The following SLC35F3 variants were observed in gnomAD, a reference collection of about 807,000 sequenced individuals.
The protein encoded by SLC35F3 is solute carrier family 35 member F3.
Under a neutral mutation model 49.9 loss-of-function variants are expected in SLC35F3, and 25 were observed. The observed-to-expected ratio is 0.50, with a 90% CI of 0.37 to 0.70. The LOEUF (loss-of-function observed/expected upper bound fraction) is 0.70, where lower values mean the gene tolerates loss of function less well. SLC35F3 is among the 30% of genes least tolerant of loss of function. SLC35F3 has a pLI of 0.00. For synonymous variants in SLC35F3, 275 were observed against 265.4 expected (o/e 1.04, Z -0.35); for missense variants, 525 against 639.8 (o/e 0.82, Z 1.94).
At chr1:234,122,999 G>A (rs572743623) in intron 2 of SLC35F3, among the ~76,000 whole-genome samples, 1 of 152,270 alleles carries the variant, frequency 6.6e-6, no homozygotes, top group Admixed American at 6.5e-5. Context: ...TGGGATCGCT[G>A]GGTCAAATGG....
intron 2 of SLC35F3, among the ~76,000 whole-genome samples, chr1:233,930,472 C>T (rs887662145): frequency 4.9e-4 from 75 of 152,258 alleles, no homozygotes; most frequent in Non-Finnish European, 2.4e-4. Flanking sequence ...TTTATTCATA[C>T]GACCCTTATA....
intron 2 of SLC35F3, among the ~76,000 whole-genome samples, chr1:234,089,875 T>C (rs984240484): frequency 2.0e-5 from 3 of 152,166 alleles, no homozygotes; most frequent in Admixed American, 1.3e-4. Context: ...ACTGATGTAC[T>C]AGATAAGATA....
intron 3 of SLC35F3, among the ~76,000 whole-genome samples, chr1:234,292,445 A>G (rs953501842): frequency 6.6e-6 from 1 of 152,228 alleles, no homozygotes; most frequent in African/African-American, 2.4e-5. Context: ...CCAATGTCTG[A>G]TTTTTAAATT....
intron 2 of SLC35F3, among the ~76,000 whole-genome samples, chr1:234,034,966 A>C (rs996674336): frequency 1.3e-5 from 2 of 152,164 alleles, no homozygotes; most frequent in African/African-American, 4.8e-5. Flanking sequence ...TTTTTTTTAA[A>C]CTTTACTCAA....
At chr1:234,224,463 A>G (rs1201730128) in intron 2 of SLC35F3, among the ~76,000 whole-genome samples, 1 of 152,112 alleles carries the variant, frequency 6.6e-6, no homozygotes, top group African/African-American at 2.4e-5. Flanking sequence ...GAACACAATC[A>G]CTCAGTCCAT....
chr1:234,108,573 TTA>T (rs527983735), intron 2 of SLC35F3, among the ~76,000 whole-genome samples: 12,905 of 93,276 alleles, frequency 0.14, 2,330 homozygotes, highest in East Asian at 0.83. Flanking sequence ...TATATATTAT[TTA>T]TATATATAAA....
chr1:233,906,424 T>G lies in SLC35F3; in HGVS notation c.283+666T>G, dbSNP rs200814238. On this transcript the variant is annotated intron_variant, in intron 2 of 7. Coordinates refer to ENST00000366618, the MANE Select transcript of SLC35F3 (RefSeq NM_173508.4). Reference sequence around the variant, plus strand: ...TGGCTTTGAGGATGCTGTGATCAATTAGACAGACATTATCTTATGTCACCA... The same window carrying G: ...TGGCTTTGAGGATGCTGTGATCAATGAGACAGACATTATCTTATGTCACCA... Among the ~76,000 whole-genome samples the G allele has an allele frequency of 7.2e-5, 11 of 152,322 alleles. No individual in the cohort carries two copies. The East Asian group carries it at 2.1e-3, about 29-fold the overall frequency.
At chr1:233,933,021 T>C (rs951522381) in intron 2 of SLC35F3, among the ~76,000 whole-genome samples, 71 of 133,790 alleles carry the variant, frequency 5.3e-4, no homozygotes, top group African/African-American at 1.9e-3. Flanking sequence ...AACCACAGTT[T>C]TGGGCTATTT....
At chr1:234,079,776 G>A (rs933055634) in intron 2 of SLC35F3, among the ~76,000 whole-genome samples, 1 of 152,116 alleles carries the variant, frequency 6.6e-6, no homozygotes, top group Non-Finnish European at 1.5e-5. Context: ...ATATTAACGA[G>A]GATATAGAGA....
intron 2 of SLC35F3, among the ~76,000 whole-genome samples, chr1:233,934,517 GA>G (rs1266225377): frequency 6.6e-6 from 1 of 151,994 alleles, no homozygotes; most frequent in Non-Finnish European, 1.5e-5. Flanking sequence ...CATTAGACAA[GA>G]AAAAAATCAA....
At chr1:233,995,725 T>C (rs1485193873) in intron 2 of SLC35F3, among the ~76,000 whole-genome samples, 1 of 152,282 alleles carries the variant, frequency 6.6e-6, no homozygotes, top group East Asian at 1.9e-4. Context: ...TCTCATGGCA[T>C]GCATCTGGGC....
intron 2 of SLC35F3, among the ~76,000 whole-genome samples, chr1:234,203,198 ATATACT>A (rs1281109976): frequency 3.3e-5 from 5 of 152,366 alleles, no homozygotes; most frequent in East Asian, 1.9e-4. Context: ...GCTTTAATAA[ATATACT>A]TATAAAAAGA....
chr1:234,069,759 C>G (rs1027152227), intron 2 of SLC35F3, among the ~76,000 whole-genome samples: 5 of 152,184 alleles, frequency 3.3e-5, no homozygotes, highest in African/African-American at 1.2e-4. Context: ...TTAACACAGT[C>G]TTGCATTTGC....
intron 2 of SLC35F3, among the ~76,000 whole-genome samples, chr1:234,058,673 G>A (rs1572035783): frequency 6.6e-6 from 1 of 152,090 alleles, no homozygotes; most frequent in East Asian, 1.9e-4. Flanking sequence ...TTATTTTATC[G>A]AGAATTTTTG....
chr1:234,251,851 AT>A (rs1216738117), intron 3 of SLC35F3, among the ~76,000 whole-genome samples: 2 of 152,182 alleles, frequency 1.3e-5, no homozygotes, highest in East Asian at 3.8e-4. Context: ...GGAAAGATAC[AT>A]TACTTAGTAA....
At chr1:234,283,803 C>T (rs1417665550) in intron 3 of SLC35F3, among the ~76,000 whole-genome samples, 1 of 152,152 alleles carries the variant, frequency 6.6e-6, no homozygotes, top group Non-Finnish European at 1.5e-5. Context: ...GAATGATCAG[C>T]CTTGGTACCT....
At chr1:234,149,874 G>C (rs1666047893) in intron 2 of SLC35F3, among the ~76,000 whole-genome samples, 2 of 152,146 alleles carry the variant, frequency 1.3e-5, no homozygotes, top group African/African-American at 4.8e-5. Flanking sequence ...TAACTGCCCA[G>C]AACAGTCCAA....
chr1:234,276,716 C>T (rs1668218022), intron 3 of SLC35F3, among the ~76,000 whole-genome samples: 1 of 152,210 alleles, frequency 6.6e-6, no homozygotes, highest in Non-Finnish European at 1.5e-5. Context: ...ATTCTCCAGG[C>T]AGGTCACGTT....
intron 3 of SLC35F3, among the ~76,000 whole-genome samples, chr1:234,246,374 T>C (rs1667630812): frequency 6.6e-6 from 1 of 152,188 alleles, no homozygotes; most frequent in African/African-American, 2.4e-5. Context: ...TCCCCCAGAC[T>C]TCAGCTGCAG....
Sources: allele counts gnomAD v4.1 joint callset (sites outside exome capture counted in the v4.1 genomes callset), GRCh38; gene constraint gnomAD v4.1.1; transcripts MANE v1.5; gene names NCBI Gene and HGNC (gene_info 2026-07-23, HGNC 2026-07-21).